MED15: variants seen among roughly 807,000 people sequenced by gnomAD.
The protein encoded by MED15 is mediator of RNA polymerase II transcription subunit 15.
A neutral mutation model predicts 118.7 loss-of-function variants in MED15; 41 were observed. The observed-to-expected ratio is 0.35, with a 90% CI of 0.27 to 0.45. The LOEUF is 0.45. Ranked by LOEUF, MED15 falls within the 20% of genes least tolerant of loss-of-function variation. MED15 has a pLI of 1.00. For synonymous variants in MED15, 436 were observed against 413.9 expected (o/e 1.05, Z -0.65); for missense variants, 740 against 1,025.5 (o/e 0.72, Z 3.80).
rs540932565 is a variant in MED15 at position 20,507,770 on chromosome 22, G to C, written c.68+24G>C. Reference sequence around the variant, plus strand: ...ATGTGAGTAGTGGTCGGGGCAGGGGGCTGGATTGTGGGACCTTCCTCCTTA... The same window carrying C: ...ATGTGAGTAGTGGTCGGGGCAGGGGCCTGGATTGTGGGACCTTCCTCCTTA... On this transcript the variant is annotated intron_variant, in intron 1 of 17. Transcript: ENST00000263205. 22 of 1,613,862 alleles carry C rather than the reference G, an allele frequency of 1.4e-5. No homozygotes were observed. The African/African-American group carries it at 2.7e-4, about 20-fold the overall frequency.
chr22:20,541,296 A>G (rs1380025813), intron 2 of MED15, among the ~76,000 whole-genome samples: 1 of 152,136 alleles, frequency 6.6e-6, no homozygotes, highest in Non-Finnish European at 1.5e-5. Context: ...AATAGGCAAA[A>G]TACTTGAATA....
At chr22:20,536,562 T>G (rs2055088840) in intron 1 of MED15, among the ~76,000 whole-genome samples, 1 of 152,236 alleles carries the variant, frequency 6.6e-6, no homozygotes, top group South Asian at 2.1e-4. Flanking sequence ...TAGCTAGAAG[T>G]GAAGTTGGAG....
At chr22:20,513,047 C>T (rs1335795314) in intron 1 of MED15, among the ~76,000 whole-genome samples, 1 of 151,782 alleles carries the variant, frequency 6.6e-6, no homozygotes. Flanking sequence ...GCCGGGTCAC[C>T]TCTTGTATTA....
intron 10 of MED15, 33 bp downstream of exon 10, chr22:20,582,780 G>A: frequency 5.7e-6 from 9 of 1,590,998 alleles, no homozygotes; most frequent in Non-Finnish European, 7.7e-6. Context: ...CTCCCCACCT[G>A]GCCCTCGAGG....
At chr22:20,512,588 T>A (rs13056092) in intron 1 of MED15, among the ~76,000 whole-genome samples, 1 of 64,454 alleles carries the variant, frequency 1.6e-5, no homozygotes, top group African/African-American at 7.6e-5. Flanking sequence ...GAGTCACCTC[T>A]TTTTTTTTTT....
At chr22:20,555,285 T>C in intron 5 of MED15, 137 bp downstream of exon 5, 1 of 1,009,332 alleles carries the variant, frequency 9.9e-7, no homozygotes. Flanking sequence ...TTTAAATCTT[T>C]GTTGTATGTG....
intron 1 of MED15, chr22:20,519,076 A>C: frequency 2.5e-5 from 8 of 322,222 alleles, no homozygotes; most frequent in East Asian, 2.1e-4. Context: ...CTGGTCTCCA[A>C]CTCCTGGGCT....
At chr22:20,546,646 A>C (rs1256855022) in intron 2 of MED15, among the ~76,000 whole-genome samples, 2 of 151,822 alleles carry the variant, frequency 1.3e-5, no homozygotes, top group African/African-American at 2.4e-5. Flanking sequence ...CCCAAGGGCC[A>C]CAGATGGGTT....
At chr22:20,526,702 C>T (rs1309124793) in intron 1 of MED15, among the ~76,000 whole-genome samples, 1 of 152,190 alleles carries the variant, frequency 6.6e-6, no homozygotes, top group African/African-American at 2.4e-5. Flanking sequence ...TCAGTTCAAA[C>T]CCCTGGCCTC....
chr22:20,523,678 G>A (rs1415991688), intron 1 of MED15: 1 of 985,342 alleles, frequency 1.0e-6, no homozygotes, highest in African/African-American at 1.7e-5. Flanking sequence ...ACACTTTCAG[G>A]CGAGACCTAG....
chr22:20,566,637 C>G lies in MED15; in HGVS notation c.861C>G (p.Pro287=). The change falls in exon 7 of 18, where the codon CCC becomes CCG. Residue 287 remains proline, a synonymous_variant. Transcript: ENST00000263205. ...QPQPPPSQAL[P]QQLQQMHHTQ... ...AGCCTCCGCCCTCCCAGGCTCTGCC[C>G]CAGCAGCTGCAGCAGATGCATCACA... The G allele has an allele frequency of 6.2e-7, 1 of 1,614,110 alleles. No homozygotes were observed. The highest frequency in any genetic ancestry group is 1.1e-5 in the South Asian group (1 of 91,072).
Position 20,582,873 on chromosome 22 carries a change from G to A in MED15, c.1443G>A (p.Leu481=). 1 of 1,613,210 alleles carries A rather than the reference G, an allele frequency of 6.2e-7. No individual in the cohort carries two copies. Among genetic ancestry groups the A allele is most frequent in the Non-Finnish European group, 8.5e-7 (1 of 1,179,952 alleles). ...SGPAPSPSSF[L]PSPSPQPSQS... ...CTGCCCCATCTCCCAGTAGCTTCCT[G>A]CCCAGCCCCTCACCGCAGCCCTCCC... The change falls in exon 11 of 18, where the codon CTG becomes CTA. Residue 481 remains leucine (L), a synonymous_variant. Transcript: ENST00000263205.
Position 20,568,932 on chromosome 22 carries a change from G to C in MED15, c.1152+301G>C, listed in dbSNP as rs137942465. On this transcript the variant is annotated intron_variant, in intron 8 of 17. Coordinates refer to ENST00000263205, the MANE Select transcript of MED15 (RefSeq NM_001003891.3). ...AGTGACTCTGGGAACATGTATCAGA[G>C]AGTAGAAGGCTGCAGTTTTCTCCTC... Among the ~76,000 whole-genome samples the C allele has an allele frequency of 1.4e-4, 22 of 152,296 alleles. No homozygotes were observed. The East Asian group carries it at 4.2e-3, about 29-fold the overall frequency.
chr22:20,557,462 C>T (rs2056061735), intron 5 of MED15, among the ~76,000 whole-genome samples: 2 of 152,130 alleles, frequency 1.3e-5, no homozygotes, highest in Admixed American at 1.3e-4. Context: ...GCTCTCATTA[C>T]CTCACTATTT....
At chr22:20,524,980 G>T (rs149080498) in intron 1 of MED15, among the ~76,000 whole-genome samples, 1 of 152,122 alleles carries the variant, frequency 6.6e-6, no homozygotes, top group Admixed American at 6.5e-5. Flanking sequence ...TACTGTCCCT[G>T]TGTTGACTGA....
At chr22:20,585,510 C>T (rs1350488168) in intron 16 of MED15, 9 of 698,760 alleles carry the variant, frequency 1.3e-5, no homozygotes, top group Non-Finnish European at 1.9e-5. Flanking sequence ...CTTGCCTGGG[C>T]CCTAGGGAGG....
chr22:20,575,368 CTTTTT>C, intron 9 of MED15, 136 bp downstream of exon 9: 7 of 882,860 alleles, frequency 7.9e-6, no homozygotes, highest in Non-Finnish European at 9.4e-6. Context: ...CCCACAGTCC[CTTTTT>C]TTTTTTTTTT....
At chr22:20,546,706 G>A (rs767576613) in intron 2 of MED15, among the ~76,000 whole-genome samples, 17 of 151,968 alleles carry the variant, frequency 1.1e-4, no homozygotes, top group Non-Finnish European at 2.5e-4. Context: ...GGGTGTTCTG[G>A]TCCATTGCTG....
chr22:20,560,694 C>T (rs2056203469), intron 5 of MED15, among the ~76,000 whole-genome samples: 1 of 152,212 alleles, frequency 6.6e-6, no homozygotes, highest in Non-Finnish European at 1.5e-5. Context: ...CAGCACCCAA[C>T]CCCAGGGACT....
Sources: gnomAD v4.1 joint callset for allele counts (sites outside exome capture counted in the v4.1 genomes callset) on GRCh38, gnomAD v4.1.1 for gene constraint, MANE v1.5 for transcripts, NCBI Gene and HGNC (gene_info 2026-07-23, HGNC 2026-07-21) for gene names.